The following PRKCA variants were observed in gnomAD, a reference collection of about 807,000 sequenced individuals.
The protein encoded by PRKCA is protein kinase C alpha.
PRKCA carries 27 observed loss-of-function variants against 87.0 expected under a neutral mutation model. The ratio of observed to expected loss-of-function variants is 0.31; its 90% CI spans 0.23 to 0.43. The LOEUF (loss-of-function observed/expected upper bound fraction) is 0.43, where lower values mean the gene tolerates loss of function less well. PRKCA is among the 20% of genes least tolerant of loss of function. The pLI, the probability that PRKCA is intolerant of heterozygous loss-of-function variation, is 1.00. For synonymous variants in PRKCA, 329 were observed against 311.1 expected (o/e 1.06, Z -0.61); for missense variants, 518 against 852.3 (o/e 0.61, Z 4.88).
rs565104874 is a variant in PRKCA at position 66,547,802 on chromosome 17, T to G, written c.288+51519T>G. Among the ~76,000 whole-genome samples, 3 of 152,324 alleles carry G rather than the reference T, an allele frequency of 2.0e-5. No individual in the cohort carries two copies. In the East Asian group the frequency reaches 5.8e-4, roughly 29 times the overall value. On this transcript the variant is annotated intron_variant, in intron 3 of 16. Coordinates refer to ENST00000413366, the MANE Select transcript of PRKCA (RefSeq NM_002737.3). ...CACCAGTTCAACTCAAATATTTACT[T>G]GGGCAAATAATTATTTGCAAGCAAA... is the stretch of plus-strand genomic sequence containing the variant.
At chr17:66,541,405 C>G (rs973214995) in intron 3 of PRKCA, among the ~76,000 whole-genome samples, 2 of 152,186 alleles carry the variant, frequency 1.3e-5, no homozygotes, top group African/African-American at 4.8e-5. Context: ...GGCTTAGCCC[C>G]TTTATTGTTT....
intron 15 of PRKCA, among the ~76,000 whole-genome samples, chr17:66,788,494 G>A (rs571378205): frequency 5.3e-5 from 8 of 152,022 alleles, no homozygotes; most frequent in Admixed American, 5.2e-4. Context: ...TTTAGTGATT[G>A]CATGCTTTTT....
At chr17:66,791,083 G>A (rs1403653801) in intron 16 of PRKCA, among the ~76,000 whole-genome samples, 2 of 151,114 alleles carry the variant, frequency 1.3e-5, no homozygotes, top group Non-Finnish European at 2.9e-5. Flanking sequence ...GTGCCATGTC[G>A]GTGTGCTGCA....
chr17:66,386,710 A>G (rs8069022), intron 2 of PRKCA, among the ~76,000 whole-genome samples: 1 of 152,014 alleles, frequency 6.6e-6, no homozygotes. Flanking sequence ...GTACAATTCA[A>G]ATTTTGGTGG....
intron 3 of PRKCA, among the ~76,000 whole-genome samples, chr17:66,499,508 A>C (rs1049868395): frequency 2.0e-5 from 3 of 152,238 alleles, no homozygotes; most frequent in African/African-American, 7.2e-5. Context: ...CCATGGATCA[A>C]TTGATGCCTG....
intron 2 of PRKCA, among the ~76,000 whole-genome samples, chr17:66,448,395 T>C (rs570516241): frequency 6.6e-6 from 1 of 152,254 alleles, no homozygotes; most frequent in East Asian, 1.9e-4. Context: ...CTGATGGAAG[T>C]TTGTGTGTCG....
At chr17:66,538,959 G>A (rs773688706) in intron 3 of PRKCA, among the ~76,000 whole-genome samples, 7 of 152,170 alleles carry the variant, frequency 4.6e-5, no homozygotes, top group African/African-American at 7.2e-5. Flanking sequence ...GAAGGCATAG[G>A]CATATTAACA....
At chr17:66,656,720 C>T (rs1598850312) in intron 5 of PRKCA, among the ~76,000 whole-genome samples, 1 of 152,122 alleles carries the variant, frequency 6.6e-6, no homozygotes, top group South Asian at 2.1e-4. Context: ...GGTTCTCCAT[C>T]AAAAGGGTGG....
intron 3 of PRKCA, among the ~76,000 whole-genome samples, chr17:66,575,448 C>T (rs111800963): frequency 1.1e-4 from 17 of 152,090 alleles, no homozygotes; most frequent in Non-Finnish European, 1.5e-4. Context: ...AGCATGGTGG[C>T]GCACACCTGT....
intron 2 of PRKCA, among the ~76,000 whole-genome samples, chr17:66,489,747 C>T (rs1916153532): frequency 6.6e-6 from 1 of 150,700 alleles, no homozygotes; most frequent in Non-Finnish European, 1.5e-5. Context: ...CTTTTCCTTC[C>T]TTCCTTTCCC....
intron 4 of PRKCA, among the ~76,000 whole-genome samples, chr17:66,642,469 G>A (rs1971325812): frequency 6.6e-6 from 1 of 152,134 alleles, no homozygotes; most frequent in Admixed American, 6.5e-5. Context: ...CTCAGGCTAT[G>A]TTTGTTTAAA....
intron 2 of PRKCA, among the ~76,000 whole-genome samples, chr17:66,467,944 T>C (rs1035566515): frequency 9.2e-5 from 14 of 152,148 alleles, no homozygotes; most frequent in African/African-American, 3.4e-4. Flanking sequence ...TTTATATGAC[T>C]AACAAGTTAT....
At chr17:66,542,708 G>C (rs1968024147) in intron 3 of PRKCA, among the ~76,000 whole-genome samples, 1 of 152,138 alleles carries the variant, frequency 6.6e-6, no homozygotes, top group Non-Finnish European at 1.5e-5. Flanking sequence ...GGAGCCATTG[G>C]GGAGTCTCAA....
intron 3 of PRKCA, among the ~76,000 whole-genome samples, chr17:66,499,905 A>G (rs1001932987): frequency 9.9e-5 from 15 of 152,220 alleles, no homozygotes; most frequent in Non-Finnish European, 1.6e-4. Flanking sequence ...ACTGACTCCC[A>G]GTGTCAGACA....
At chr17:66,554,880 C>CTTTTTTTTTT (rs565435672) in intron 3 of PRKCA, among the ~76,000 whole-genome samples, 1 of 138,518 alleles carries the variant, frequency 7.2e-6, no homozygotes, top group Admixed American at 7.4e-5. Context: ...ATTGTAAATT[C>CTTTTTTTTTT]TTTTTTTTTT....
intron 2 of PRKCA, among the ~76,000 whole-genome samples, chr17:66,477,682 A>G (rs1346296893): frequency 6.6e-6 from 1 of 152,232 alleles, no homozygotes; most frequent in African/African-American, 2.4e-5. Flanking sequence ...CCTGGGCAAC[A>G]GAGTGAGACT....
chr17:66,381,270 C>A (rs1909764064), intron 2 of PRKCA, among the ~76,000 whole-genome samples: 1 of 152,120 alleles, frequency 6.6e-6, no homozygotes, highest in Non-Finnish European at 1.5e-5. Flanking sequence ...CCAGACCAAA[C>A]AGGAGAAAAG....
Position 66,684,443 on chromosome 17 carries a change from TA to T in PRKCA, c.530-2666del, listed in dbSNP as rs576962747. Among the ~76,000 whole-genome samples, 33 of 152,352 alleles carry T rather than the reference TA, an allele frequency of 2.2e-4. No homozygotes were observed. In the South Asian group the frequency reaches 6.8e-3, roughly 32 times the overall value. ...GATGGGACCCTAAGTTAGTTGCTCG[TA>T]ATCCTGATTCAGGTGTCCTGGCATG... On this transcript the variant is annotated intron_variant, in intron 5 of 16. Transcript: ENST00000413366.
intron 3 of PRKCA, among the ~76,000 whole-genome samples, chr17:66,633,278 T>G (rs562665747): frequency 6.6e-5 from 10 of 152,194 alleles, no homozygotes; most frequent in Admixed American, 1.3e-4. Flanking sequence ...CCAAAAAAAT[T>G]TTAAATAGGT....
Sources: allele counts gnomAD v4.1 joint callset (sites outside exome capture counted in the v4.1 genomes callset), GRCh38; gene constraint gnomAD v4.1.1; transcripts MANE v1.5; gene names NCBI Gene and HGNC (gene_info 2026-07-23, HGNC 2026-07-21).